The following WBP4 variants were observed in gnomAD, a reference collection of about 807,000 sequenced individuals.
WBP4 encodes the protein WW domain-binding protein 4.
Under a neutral mutation model 55.4 loss-of-function variants are expected in WBP4, and 37 were observed. The ratio of observed to expected loss-of-function variants is 0.67; its 90% CI spans 0.51 to 0.88. The LOEUF (loss-of-function observed/expected upper bound fraction) is 0.88, where lower values mean the gene tolerates loss of function less well. WBP4 is among the 40% of genes least tolerant of loss of function. The pLI is 0.00. For synonymous variants in WBP4, 142 were observed against 140.2 expected, an observed-to-expected ratio of 1.01 and a Z score of -0.09; for missense variants, 398 against 420.8, an observed-to-expected ratio of 0.95 and a Z score of 0.47.
rs1878488353 is a variant in WBP4, at chr13:41,076,294, T to TTTTTA, written c.756+60_756+61insTATTT. 3.3e-6 allele frequency: 4 copies of TTTTTA among 1,199,466 alleles called. No homozygotes were observed. In the East Asian group the frequency reaches 1.0e-4, roughly 31 times the overall value. The allele number at this position is 1,199,466 out of a possible 1,614,324, so 74.3% of individuals were successfully genotyped here. A position where few individuals can be genotyped will look rare whatever the true frequency, so the allele number is the denominator to read the frequency against. On this transcript the variant is annotated intron_variant, in intron 8 of 9. Coordinates refer to ENST00000379487, the MANE Select transcript of WBP4 (RefSeq NM_007187.5). ...ATTTTTTTTTTTTTTTTTTTTTTTT[T>TTTTTA]TTTGAGATGGAGTCTTGTTCTGTCC...
chr13:41,071,794 G>T (rs1273176509), intron 6 of WBP4, among the ~76,000 whole-genome samples: 1 of 152,056 alleles, frequency 6.6e-6, no homozygotes, highest in Non-Finnish European at 1.5e-5. Flanking sequence ...TGTAATCCCA[G>T]CACTTTGGGA....
chr13:41,076,986 T>G (rs1410885913), intron 8 of WBP4, among the ~76,000 whole-genome samples: 1 of 152,168 alleles, frequency 6.6e-6, no homozygotes, highest in African/African-American at 2.4e-5. Context: ...TTAATTTATT[T>G]TCGTCAAAAT....
chr13:41,065,136 C>T (rs1448383431), intron 3 of WBP4, 28 bp from the exon 4 acceptor site: 8 of 1,603,124 alleles, frequency 5.0e-6, no homozygotes, highest in Non-Finnish European at 6.8e-6. Flanking sequence ...CTTTATCTCA[C>T]TTTCACTGTT....
At position 41,065,063 on chromosome 13, in the gene WBP4, A is replaced by G. The variant is rs754047357; in HGVS notation, c.123A>G (p.Ala41=). The G allele has an allele frequency of 4.4e-6, 7 of 1,596,906 alleles. No individual in the cohort carries two copies. Among genetic ancestry groups the G allele is most frequent in the Non-Finnish European group, 6.0e-6 (7 of 1,175,716 alleles). The part of the protein sequence containing the change: ...ERGKNHKENV[A]KRISEIKQKS... ...GAAAGAATCATAAGGAAAATGTGGC[A>G]AAAAGGATCAGTGAGGTAATTTAGA... is the stretch of plus-strand genomic sequence containing the variant. Residue 41 remains alanine (A), a synonymous_variant, in exon 3 of 10, where the codon GCA becomes GCG. Coordinates refer to ENST00000379487, the MANE Select transcript of WBP4 (RefSeq NM_007187.5).
Position 41,080,636 on chromosome 13 carries a change from T to G in WBP4, c.757-10T>G. 1 of 1,573,978 alleles carries G rather than the reference T, an allele frequency of 6.4e-7. No homozygotes were observed. The highest frequency in any genetic ancestry group is 8.6e-7 in the Non-Finnish European group (1 of 1,169,138). On this transcript the variant is annotated splice_polypyrimidine_tract_variant and intron_variant, in intron 8 of 9. Coordinates refer to ENST00000379487, the MANE Select transcript of WBP4 (RefSeq NM_007187.5). ...TTGAACTGTATTATTTCTTGGCTTT[T>G]ACATTTCAGGAAAAAAATAAAAATA...
chr13:41,078,441 G>A (rs915584151), intron 8 of WBP4, among the ~76,000 whole-genome samples: 1 of 152,188 alleles, frequency 6.6e-6, no homozygotes. Context: ...CTAGCTGTAT[G>A]CAGAAGAATG....
chr13:41,074,389 A>G (rs747473182), intron 7 of WBP4, among the ~76,000 whole-genome samples: 9 of 152,172 alleles, frequency 5.9e-5, no homozygotes, highest in Non-Finnish European at 1.3e-4. Flanking sequence ...TCTTTTAGGA[A>G]GAAAAGGCCC....
chr13:41,075,353 T>A (rs1184573394), intron 7 of WBP4, among the ~76,000 whole-genome samples: 2 of 152,198 alleles, frequency 1.3e-5, no homozygotes, highest in African/African-American at 4.8e-5. Context: ...CTTCACAATG[T>A]AATTTCACTC....
intron 8 of WBP4, among the ~76,000 whole-genome samples, chr13:41,079,109 A>G (rs761424842): frequency 3.0e-4 from 45 of 152,176 alleles, no homozygotes; most frequent in Non-Finnish European, 6.2e-4. Context: ...AACAAGAAAA[A>G]AACAACTCCA....
intron 8 of WBP4, 137 bp from the exon 9 acceptor site, chr13:41,080,509 T>A: frequency 1.5e-6 from 1 of 654,402 alleles, no homozygotes; most frequent in South Asian, 2.2e-5. Context: ...CTATGTATAT[T>A]TATTGTGTTA....
At chr13:41,067,837 T>C (rs1171117573) in intron 4 of WBP4, among the ~76,000 whole-genome samples, 1 of 152,208 alleles carries the variant, frequency 6.6e-6, no homozygotes, top group Admixed American at 6.5e-5. Flanking sequence ...TTTTTTCTTT[T>C]TATTTTTGTC....
chr13:41,076,424 G>T (rs1392161311), intron 8 of WBP4, among the ~76,000 whole-genome samples, 187 bp downstream of exon 8: 2 of 151,764 alleles, frequency 1.3e-5, no homozygotes, highest in African/African-American at 4.8e-5. Context: ...GACTACAGGT[G>T]TGTGCCACCA....
chr13:41,077,325 A>G (rs141394672), intron 8 of WBP4, among the ~76,000 whole-genome samples: 18 of 152,262 alleles, frequency 1.2e-4, no homozygotes, highest in Middle Eastern at 3.4e-3. Flanking sequence ...TAATAATAAA[A>G]TAATAAAAGC....
chr13:41,068,511 T>TA (rs1878078040), intron 4 of WBP4, 50 bp from the exon 5 acceptor site: 4 of 1,447,234 alleles, frequency 2.8e-6, no homozygotes, highest in Non-Finnish European at 2.7e-6. Context: ...CCAGCAACCA[T>TA]AAAAAATAGT....
chr13:41,069,782 G>A (rs927161214), intron 5 of WBP4, among the ~76,000 whole-genome samples: 13 of 150,970 alleles, frequency 8.6e-5, no homozygotes, highest in Non-Finnish European at 1.6e-4. Context: ...GGAGGCTGAG[G>A]CAGGAGAATC....
In WBP4 at chr13:41,068,599, A is replaced by G; in HGVS notation, c.301A>G (p.Ile101Val). ...AAGCATAACACCAGTAACCAGCACT[A>G]TCCCACCTACCTCGACATCAAATCA... is the stretch of plus-strand genomic sequence containing the variant. Reference protein sequence around the residue: ...EPSITPVTSTIPPTSTSNQQK... With the variant: ...EPSITPVTSTVPPTSTSNQQK... Residue 101 changes from isoleucine to valine, a missense_variant, in exon 5 of 10, where the codon ATC (isoleucine) becomes GTC (valine). By Grantham distance (29) the Ile-to-Val change is conservative. Coordinates refer to ENST00000379487, the MANE Select transcript of WBP4 (RefSeq NM_007187.5). 1.2e-6 allele frequency: 2 copies of G among 1,613,166 alleles called. No individual in the cohort carries two copies. Among genetic ancestry groups the G allele is most frequent in the Non-Finnish European group, 8.5e-7 (1 of 1,179,716 alleles).
intron 8 of WBP4, among the ~76,000 whole-genome samples, chr13:41,076,674 G>A (rs981275962): frequency 5.3e-5 from 8 of 152,090 alleles, no homozygotes; most frequent in South Asian, 4.1e-4. Flanking sequence ...ATAAAACCGG[G>A]AACACTCAGG....
In WBP4 at chr13:41,076,132, A is replaced by G; in HGVS notation, c.651A>G (p.Leu217=). 1 of 1,613,760 alleles carries G rather than the reference A, an allele frequency of 6.2e-7. No homozygotes were observed. The highest frequency in any genetic ancestry group is 8.5e-7 in the Non-Finnish European group (1 of 1,179,972). Residue 217 remains leucine, a synonymous_variant, in exon 8 of 10, where the codon CTA becomes CTG. Transcript: ENST00000379487. ...SKVNENSLGT[L]DESKSSDSHS... ...TCAATGAAAATTCACTTGGCACCCT[A>G]GATGAATCCAAATCATCAGATTCGC...
In WBP4 at chr13:41,066,682, T is replaced by C. The variant is rs528099059; in HGVS notation, c.262+1395T>C. On this transcript the variant is annotated intron_variant, in intron 4 of 9. Coordinates refer to ENST00000379487, the MANE Select transcript of WBP4 (RefSeq NM_007187.5). ...GGTGAATAAATGGTAGCCACTGTTA[T>C]TTTGTCTCTGTACTATAATTTATTT... Among the ~76,000 whole-genome samples, 28 of 152,344 alleles carry C rather than the reference T, an allele frequency of 1.8e-4. No individual in the cohort carries two copies. The South Asian group carries it at 5.2e-3, about 28-fold the overall frequency.
Sources: allele counts gnomAD v4.1 joint callset (sites outside exome capture counted in the v4.1 genomes callset), GRCh38; gene constraint gnomAD v4.1.1; transcripts MANE v1.5; gene names NCBI Gene and HGNC (gene_info 2026-07-23, HGNC 2026-07-21).